Variants in IMMP1L observed in about 807,000 individuals in gnomAD.
IMMP1L encodes mitochondrial inner membrane protease subunit 1.
In IMMP1L, 24 loss-of-function variants were observed where a neutral mutation model predicts 21.8. The ratio of observed to expected loss-of-function variants is 1.10; its 90% confidence interval spans 0.80 to 1.55. The LOEUF is 1.55. Among genes scored for constraint, IMMP1L ranks in the 40% most tolerant of loss-of-function variants. The pLI is 0.00. For synonymous variants in IMMP1L, 46 were observed against 62.8 expected, an observed-to-expected ratio of 0.73 and a Z score of 1.26; for missense variants, 195 against 200.7, an observed-to-expected ratio of 0.97 and a Z score of 0.17.
intron 4 of IMMP1L, 62 bp from the exon 5 acceptor site, chr11:31,433,632 A>G: frequency 1.0e-6 from 1 of 1,000,770 alleles, no homozygotes; most frequent in South Asian, 1.4e-5. Flanking sequence ...ACTATAATTA[A>G]AAAGCATGTC....
chr11:31,468,255 C>T (rs1158494728), intron 1 of IMMP1L, among the ~76,000 whole-genome samples: 2 of 151,922 alleles, frequency 1.3e-5, no homozygotes, highest in Admixed American at 6.6e-5. Flanking sequence ...CAATATGCTA[C>T]GTAGGAGAAT....
chr11:31,501,464 C>T (rs1955615760), intron 1 of IMMP1L, among the ~76,000 whole-genome samples: 1 of 152,202 alleles, frequency 6.6e-6, no homozygotes, highest in South Asian at 2.1e-4. Flanking sequence ...GATAACACAG[C>T]AAGGACACCC....
chr11:31,439,460 C>T (rs898839833), intron 4 of IMMP1L, among the ~76,000 whole-genome samples: 1 of 152,182 alleles, frequency 6.6e-6, no homozygotes, highest in Non-Finnish European at 1.5e-5. Flanking sequence ...TTCATCTCCT[C>T]TAGATCCTCA....
chr11:31,500,170 T>G (rs934180444), intron 1 of IMMP1L, among the ~76,000 whole-genome samples: 1 of 152,020 alleles, frequency 6.6e-6, no homozygotes, highest in Non-Finnish European at 1.5e-5. Flanking sequence ...AGTCTTTTTT[T>G]TTCCATTTAG....
chr11:31,491,876 C>T (rs980898552), intron 1 of IMMP1L, among the ~76,000 whole-genome samples: 8 of 152,294 alleles, frequency 5.3e-5, no homozygotes, highest in East Asian at 1.9e-4. Context: ...GAGACCCACA[C>T]ATTTTAAAAT....
chr11:31,503,573 A>T (rs1955693126), intron 1 of IMMP1L, among the ~76,000 whole-genome samples: 3 of 152,192 alleles, frequency 2.0e-5, no homozygotes, highest in Admixed American at 2.0e-4. Context: ...TCAGCAATAA[A>T]TAAAAGAAGA....
chr11:31,482,137 G>A lies in IMMP1L; in HGVS notation c.-29-18832C>T, dbSNP rs894217039. On this transcript the variant is annotated intron_variant, in intron 1 of 5. Coordinates refer to ENST00000532287, the MANE Select transcript of IMMP1L (RefSeq NM_001304274.2). ...TATTTTATAGAAAGTACATAATTAC[G>A]GTCATCGGCCTAAGTCCACCTCATT... 4.6e-5 allele frequency among the ~76,000 whole-genome samples: 7 copies of A among 151,884 alleles called. No individual in the cohort carries two copies. The East Asian group carries it at 5.8e-4, about 13-fold the overall frequency.
At chr11:31,439,946 C>A (rs1953262972) in intron 4 of IMMP1L, among the ~76,000 whole-genome samples, 1 of 152,186 alleles carries the variant, frequency 6.6e-6, no homozygotes, top group Admixed American at 6.5e-5. Context: ...AGCAGTCATT[C>A]ATTCCTCAGT....
At chr11:31,465,581 G>A (rs929127372) in intron 1 of IMMP1L, among the ~76,000 whole-genome samples, 1 of 151,978 alleles carries the variant, frequency 6.6e-6, no homozygotes. Flanking sequence ...AAACAGCATG[G>A]TATTAGTATA....
chr11:31,500,596 C>T (rs1955587086), intron 1 of IMMP1L, among the ~76,000 whole-genome samples: 1 of 147,918 alleles, frequency 6.8e-6, no homozygotes, highest in Non-Finnish European at 1.5e-5. Flanking sequence ...CACATATGCA[C>T]ACACACACAC....
At chr11:31,473,067 T>C (rs1486681674) in intron 1 of IMMP1L, among the ~76,000 whole-genome samples, 1 of 151,960 alleles carries the variant, frequency 6.6e-6, no homozygotes, top group Admixed American at 6.6e-5. Flanking sequence ...TTTGTTTTTT[T>C]GAGACGGAGT....
At chr11:31,440,467 T>C (rs1953284874) in intron 4 of IMMP1L, among the ~76,000 whole-genome samples, 1 of 152,194 alleles carries the variant, frequency 6.6e-6, no homozygotes, top group South Asian at 2.1e-4. Flanking sequence ...CCTGGCTCAC[T>C]GCAACCTCTG....
At chr11:31,469,601 A>G (rs1954477234) in intron 1 of IMMP1L, 1 of 152,208 alleles carries the variant, frequency 6.6e-6, no homozygotes, top group African/African-American at 2.4e-5. Context: ...AATCCAGGAG[A>G]AACAGTACTA....
At position 31,448,953 on chromosome 11, in the gene IMMP1L, G is replaced by C. The variant is rs1223118; in HGVS notation, c.321+7307C>G. The C allele has an allele frequency of 0.021, 20,372 of 985,216 alleles. 2,314 individuals are homozygous for C. The African/African-American group carries it at 0.27, about 13-fold the overall frequency. The allele number at this position is 985,216 out of a possible 1,614,324, so 61.0% of individuals were successfully genotyped here. ...GAAAAAGTCACGTCACCTCCGCAGT[G>C]AACTTCACTTTAGCAAAAGAGTAAA... On this transcript the variant is annotated intron_variant, in intron 4 of 5. Coordinates refer to ENST00000532287, the MANE Select transcript of IMMP1L (RefSeq NM_001304274.2).
chr11:31,480,098 G>T (rs576703338), intron 1 of IMMP1L, among the ~76,000 whole-genome samples: 3 of 151,990 alleles, frequency 2.0e-5, no homozygotes, highest in Admixed American at 2.0e-4. Flanking sequence ...GACTAGTGAG[G>T]TCTGTGTTAC....
intron 1 of IMMP1L, among the ~76,000 whole-genome samples, chr11:31,502,169 A>G (rs1310180924): frequency 1.3e-5 from 2 of 152,210 alleles, no homozygotes; most frequent in African/African-American, 4.8e-5. Context: ...TGTGGAAGAG[A>G]TTATAATTCA....
At chr11:31,453,337 T>C (rs1265812960) in intron 4 of IMMP1L, among the ~76,000 whole-genome samples, 2 of 152,238 alleles carry the variant, frequency 1.3e-5, no homozygotes, top group Non-Finnish European at 2.9e-5. Flanking sequence ...TTTTGCTTTC[T>C]GAAGCACCTA....
intron 1 of IMMP1L, among the ~76,000 whole-genome samples, chr11:31,482,732 C>T (rs1036904616): frequency 2.0e-5 from 3 of 151,992 alleles, no homozygotes; most frequent in African/African-American, 7.2e-5. Flanking sequence ...GCAACTAGAA[C>T]TCTCTCGCAT....
chr11:31,477,417 T>C (rs1292863220), intron 1 of IMMP1L: 2 of 372,412 alleles, frequency 5.4e-6, no homozygotes, highest in East Asian at 3.2e-4. Context: ...AGTTTGTATA[T>C]GTCTTGCATA....
Sources: allele counts gnomAD v4.1 joint callset (sites outside exome capture counted in the v4.1 genomes callset), GRCh38; gene constraint gnomAD v4.1.1; transcripts MANE v1.5; gene names NCBI Gene and HGNC (gene_info 2026-07-23, HGNC 2026-07-21).